Variants in GOLGA4 observed in about 807,000 individuals in gnomAD.
The protein encoded by GOLGA4 is golgin subfamily A member 4.
In GOLGA4, 169 loss-of-function variants were observed where a neutral mutation model predicts 265.9. The observed-to-expected ratio is 0.64, with a 90% CI of 0.56 to 0.72. The LOEUF is 0.72. GOLGA4 is among the 30% of genes least tolerant of loss of function. GOLGA4 has a pLI of 0.00. For synonymous variants in GOLGA4, 923 were observed against 855.8 expected (o/e 1.08, Z -1.37); for missense variants, 2,482 against 2,483.4 (o/e 1.00, Z 0.01).
intron 11 of GOLGA4, among the ~76,000 whole-genome samples, chr3:37,317,674 T>C (rs890401077): frequency 2.6e-5 from 4 of 152,226 alleles, no homozygotes; most frequent in African/African-American, 9.6e-5. Context: ...TCTAACTTTA[T>C]CTTTCCAAGT....
Position 37,337,717 on chromosome 3 carries a change from C to A in GOLGA4, c.6379C>A (p.Gln2127Lys). The A allele has an allele frequency of 6.2e-7, 1 of 1,607,660 alleles. No individual in the cohort carries two copies. Among genetic ancestry groups the A allele is most frequent in the Non-Finnish European group, 8.5e-7 (1 of 1,174,184 alleles). The change falls in exon 19 of 24, where the codon CAA (glutamine) becomes AAA (lysine). Residue 2127 changes from glutamine to lysine, a missense_variant. Transcript: ENST00000361924. ...TLISDSKLKEQEFREQIHNLE... is the reference protein window; with the variant it reads ...TLISDSKLKEKEFREQIHNLE... Reference sequence around the variant, plus strand: ...AATCAGTGATTCGAAATTGAAAGAGCAAGAGTTCAGAGAACAGGTACAGGC... The same window carrying A: ...AATCAGTGATTCGAAATTGAAAGAGAAAGAGTTCAGAGAACAGGTACAGGC...
Position 37,243,428 on chromosome 3 carries a change from C to A in GOLGA4, c.-123C>A. 1.2e-6 allele frequency: 1 copy of A among 803,864 alleles called. No individual in the cohort carries two copies. Among genetic ancestry groups the A allele is most frequent in the South Asian group, 1.4e-5 (1 of 69,850 alleles). The allele number at this position is 803,864 out of a possible 1,614,324, so 49.8% of individuals were successfully genotyped here. A position where few individuals can be genotyped will look rare whatever the true frequency, so the allele number is the denominator to read the frequency against. On this transcript the variant is annotated 5_prime_UTR_variant, in exon 1 of 24. Transcript: ENST00000361924. ...CTTGCCCACAGCCTCAAGGAGGAGACGGCGAGGCCCGGCCCCCGCTGTCCC... is the reference window on the plus strand; with the variant it reads ...CTTGCCCACAGCCTCAAGGAGGAGAAGGCGAGGCCCGGCCCCCGCTGTCCC...
intron 22 of GOLGA4, among the ~76,000 whole-genome samples, chr3:37,357,500 A>C (rs2097093745): frequency 6.6e-6 from 1 of 152,220 alleles, no homozygotes; most frequent in Non-Finnish European, 1.5e-5. Flanking sequence ...CTTAGGAAAT[A>C]TGAAATTTTA....
In GOLGA4 at chr3:37,321,810, T is replaced by G; in HGVS notation, c.1625T>G (p.Leu542Trp). The G allele has an allele frequency of 6.2e-7, 1 of 1,613,094 alleles. No homozygotes were observed. The highest frequency in any genetic ancestry group is 1.1e-5 in the South Asian group (1 of 90,958). Residue 542 changes from leucine (L) to tryptophan (W), a missense_variant, in exon 13 of 24, where the codon TTG becomes TGG. Physicochemically the swap from Leu to Trp is moderately conservative, Grantham distance 61. Around this residue, in one of 3 missense-constraint regions of GOLGA4, gnomAD observed 1,536 missense variants for 1,483.7 expected, o/e 1.04. Transcript: ENST00000361924. ...QESLALEELELQKKAILTESE... is the reference protein window; with the variant it reads ...QESLALEELEWQKKAILTESE... ...TCTTTGGCCCTAGAAGAGTTAGAGT[T>G]GCAGAAAAAAGCAATCCTCACAGAA...
intron 14 of GOLGA4, 21 bp from the exon 15 acceptor site, chr3:37,328,395 C>CG: frequency 6.2e-7 from 1 of 1,606,246 alleles, no homozygotes; most frequent in Non-Finnish European, 8.5e-7. Flanking sequence ...CAGCAGTTAA[C>CG]GGTACATTTT....
intron 3 of GOLGA4, among the ~76,000 whole-genome samples, chr3:37,285,015 A>C (rs2096844653): frequency 6.6e-6 from 1 of 152,146 alleles, no homozygotes; most frequent in South Asian, 2.1e-4. Context: ...CATTTGGGAC[A>C]CAGCAGCCTT....
intron 2 of GOLGA4, among the ~76,000 whole-genome samples, chr3:37,262,080 ATTACT>A (rs1022246464): frequency 3.3e-5 from 5 of 152,252 alleles, no homozygotes; most frequent in Non-Finnish European, 5.9e-5. Context: ...CAGTCTGGAA[ATTACT>A]TTAAAACAAC....
At chr3:37,279,404 G>C (rs776737179) in intron 2 of GOLGA4, among the ~76,000 whole-genome samples, 1 of 152,176 alleles carries the variant, frequency 6.6e-6, no homozygotes, top group Non-Finnish European at 1.5e-5. Flanking sequence ...CCCTCTAGCT[G>C]TAAGATGATC....
At chr3:37,361,626 C>A (rs867950411) in intron 23 of GOLGA4, among the ~76,000 whole-genome samples, 1 of 151,868 alleles carries the variant, frequency 6.6e-6, no homozygotes, top group African/African-American at 2.4e-5. Context: ...TTTAATTTTC[C>A]AAGAATGATC....
Position 37,315,608 on chromosome 3 carries a change from A to T in GOLGA4, c.1413+10A>T. ...TGTTGATGTAATGAAAGTAAGAATA[A>T]TTCTGTAATGAAATGGGCTACAACA... On this transcript the variant is annotated intron_variant, in intron 11 of 23. Coordinates refer to ENST00000361924, the MANE Select transcript of GOLGA4 (RefSeq NM_002078.5). 1 of 1,605,024 alleles carries T rather than the reference A, an allele frequency of 6.2e-7. No individual in the cohort carries two copies. The highest frequency in any genetic ancestry group is 8.5e-7 in the Non-Finnish European group (1 of 1,172,152).
chr3:37,302,745 C>G (rs2096896312), intron 10 of GOLGA4: 1 of 160,396 alleles, frequency 6.2e-6, no homozygotes, highest in Non-Finnish European at 1.4e-5. Flanking sequence ...TAAATAATTG[C>G]TACCTTATAG....
Position 37,298,982 on chromosome 3 carries a change from C to A in GOLGA4, c.964C>A (p.Gln322Lys). 2.5e-6 allele frequency: 4 copies of A among 1,600,034 alleles called. No individual in the cohort carries two copies. Among genetic ancestry groups the A allele is most frequent in the Non-Finnish European group, 3.4e-6 (4 of 1,176,426 alleles). The change falls in exon 8 of 24, where the codon CAA becomes AAA. Residue 322 changes from glutamine to lysine, a missense_variant. By Grantham distance (53) the Gln-to-Lys change is moderately conservative (BLOSUM62 1). Coordinates refer to ENST00000361924, the MANE Select transcript of GOLGA4 (RefSeq NM_002078.5). Reference protein sequence around the residue: ...LTSEKEALQEQLDERLQELEK... With the variant: ...LTSEKEALQEKLDERLQELEK... The stretch of plus-strand genomic sequence containing the variant: ...TAGTGAAAAAGAAGCTCTGCAAGAA[C>A]AACTGGATGAAAGACTTCAAGAACT...
chr3:37,325,263 C>G lies in GOLGA4; in HGVS notation c.3377C>G (p.Ala1126Gly). 1.2e-6 allele frequency: 2 copies of G among 1,613,326 alleles called. No individual in the cohort carries two copies. Among genetic ancestry groups the G allele is most frequent in the South Asian group, 2.2e-5 (2 of 90,958 alleles). Residue 1126 changes from alanine (A) to glycine (G), a missense_variant, in exon 14 of 24, where the codon GCA (alanine) becomes GGA (glycine). By Grantham distance (60) the Ala-to-Gly change is moderately conservative. This residue lies in a region of GOLGA4 where 1,536 missense variants were observed against 1,483.7 expected (regional missense o/e 1.04). Coordinates refer to ENST00000361924, the MANE Select transcript of GOLGA4 (RefSeq NM_002078.5). ...AAGTCTGCCCATGTGAATTCTCTTGCACAAGATGAAACTAAACTGAAAGCT... is the reference window on the plus strand; with the variant it reads ...AAGTCTGCCCATGTGAATTCTCTTGGACAAGATGAAACTAAACTGAAAGCT... The part of the protein sequence containing the change: ...KQKSAHVNSL[A>G]QDETKLKAHL...
intron 16 of GOLGA4, among the ~76,000 whole-genome samples, chr3:37,331,042 A>T (rs949244517): frequency 1.2e-4 from 18 of 152,048 alleles, no homozygotes; most frequent in African/African-American, 4.3e-4. Context: ...AAAAAAAAAA[A>T]AAAAAAATGC....
intron 16 of GOLGA4, among the ~76,000 whole-genome samples, chr3:37,333,896 T>C (rs144617538): frequency 6.6e-6 from 1 of 152,358 alleles, no homozygotes; most frequent in African/African-American, 2.4e-5. Context: ...ATTGCCTTAT[T>C]TTGTGCCATA....
chr3:37,337,477 C>T (rs140827553), intron 18 of GOLGA4, among the ~76,000 whole-genome samples, 189 bp from the exon 19 acceptor site: 22 of 152,260 alleles, frequency 1.4e-4, no homozygotes, highest in African/African-American at 4.8e-4. Context: ...TTCCAAAGTG[C>T]TAGGATTACA....
chr3:37,259,147 C>T (rs927861278), intron 2 of GOLGA4, among the ~76,000 whole-genome samples: 1 of 152,066 alleles, frequency 6.6e-6, no homozygotes, highest in Non-Finnish European at 1.5e-5. Flanking sequence ...AATTCAGTAT[C>T]TACTTTTTAT....
intron 22 of GOLGA4, among the ~76,000 whole-genome samples, chr3:37,358,259 A>G (rs1559475239): frequency 6.6e-6 from 1 of 152,214 alleles, no homozygotes; most frequent in Non-Finnish European, 1.5e-5. Flanking sequence ...GCACTAATCA[A>G]AAGCTTTCTA....
chr3:37,304,267 G>C (rs1001882537), intron 10 of GOLGA4, among the ~76,000 whole-genome samples: 4 of 152,148 alleles, frequency 2.6e-5, no homozygotes, highest in East Asian at 1.9e-4. Context: ...AGATTTTAAG[G>C]TGTTAAGGAG....
Sources: gnomAD v4.1 joint callset for allele counts (sites outside exome capture counted in the v4.1 genomes callset) on GRCh38, gnomAD v4.1.1 for gene constraint, gnomAD v4.1.1 regional missense constraint, MANE v1.5 for transcripts, NCBI Gene and HGNC (gene_info 2026-07-23, HGNC 2026-07-21) for gene names.